TAB2: variants seen among roughly 807,000 people sequenced by gnomAD.
The protein encoded by TAB2 is TGF-beta-activated kinase 1 and MAP3K7-binding protein 2.
A neutral mutation model predicts 65.0 loss-of-function variants in TAB2; 3 were observed. That is an observed-to-expected ratio of 0.05 (90% CI 0.02 to 0.12). The LOEUF (loss-of-function observed/expected upper bound fraction) is 0.12, where lower values mean the gene tolerates loss of function less well. Among genes scored for constraint, TAB2 ranks in the 10% least tolerant of loss-of-function variants. The pLI is 1.00. For synonymous variants in TAB2, 298 were observed against 285.1 expected, an observed-to-expected ratio of 1.05 and a Z score of -0.46; for missense variants, 623 against 840.3, an observed-to-expected ratio of 0.74 and a Z score of 3.20.
intron 2 of TAB2, among the ~76,000 whole-genome samples, chr6:149,371,215 A>C (rs1320203853): frequency 6.6e-6 from 1 of 152,078 alleles, no homozygotes. Context: ...CCTTATCACC[A>C]TTATCACCTT....
rs145133469 is a variant in TAB2 at position 149,238,432 on chromosome 6, G to A, written c.-121+19656G>A. Among the ~76,000 whole-genome samples, 571 of 152,198 alleles carry A rather than the reference G, an allele frequency of 3.8e-3. 1 individual carries two copies. The highest frequency in any genetic ancestry group is 6.0e-3 in the South Asian group (29 of 4,812). The stretch of plus-strand genomic sequence containing the variant: ...AGCTTCTCTGGGGTTCCAAATCGGG[G>A]TACATCTCCACAAGGCACAGCAAAC... On this transcript the variant is annotated intron_variant, in intron 1 of 1. Coordinates refer to the TAB2 transcript ENST00000606202.
intron 1 of TAB2, among the ~76,000 whole-genome samples, chr6:149,347,908 G>A (rs977503318): frequency 1.3e-5 from 2 of 152,052 alleles, no homozygotes; most frequent in East Asian, 3.8e-4. Flanking sequence ...CTTATTTTAT[G>A]TTTAATTTTG....
intron 1 of TAB2, among the ~76,000 whole-genome samples, chr6:149,277,714 G>A (rs1778501821): frequency 6.6e-6 from 1 of 152,100 alleles, no homozygotes; most frequent in Non-Finnish European, 1.5e-5. Flanking sequence ...AGAAGTGGAA[G>A]GCCATTAACT....
intron 1 of TAB2, among the ~76,000 whole-genome samples, chr6:149,366,052 A>G (rs1020883903): frequency 1.2e-4 from 19 of 152,142 alleles, no homozygotes; most frequent in African/African-American, 4.3e-4. Context: ...TAAAATACTT[A>G]TGTGCTAATT....
chr6:149,405,760 A>G (rs1057081841), intron 6 of TAB2, among the ~76,000 whole-genome samples: 2 of 152,182 alleles, frequency 1.3e-5, no homozygotes, highest in African/African-American at 4.8e-5. Context: ...GTATGGGAAG[A>G]TTGTGGTCGA....
intron 6 of TAB2, among the ~76,000 whole-genome samples, chr6:149,403,319 CACAT>C (rs1782539163): frequency 1.1e-5 from 1 of 87,430 alleles, no homozygotes; most frequent in Non-Finnish European, 2.2e-5. Flanking sequence ...TATATACACA[CACAT>C]ATATATACAT....
At chr6:149,327,728 T>C (rs1034180614) in intron 1 of TAB2, among the ~76,000 whole-genome samples, 4 of 152,222 alleles carry the variant, frequency 2.6e-5, no homozygotes, top group Admixed American at 6.5e-5. Flanking sequence ...TGTACTTGAC[T>C]AAAGTACTGC....
At chr6:149,357,155 C>T (rs1221621045) in intron 1 of TAB2, among the ~76,000 whole-genome samples, 5 of 152,064 alleles carry the variant, frequency 3.3e-5, no homozygotes, top group Non-Finnish European at 7.4e-5. Context: ...CAGTGGCTCA[C>T]TCCTGTAATC....
chr6:149,366,696 T>C (rs1290746482), intron 1 of TAB2, among the ~76,000 whole-genome samples: 5 of 152,184 alleles, frequency 3.3e-5, no homozygotes, highest in Admixed American at 2.0e-4. Flanking sequence ...ATAGTTGTTA[T>C]TCATGAAAGA....
chr6:149,320,377 G>A (rs886148844), intron 1 of TAB2, among the ~76,000 whole-genome samples: 3 of 152,198 alleles, frequency 2.0e-5, no homozygotes, highest in Non-Finnish European at 4.4e-5. Context: ...CCGCAGTTAT[G>A]TAGGCAGATC....
chr6:149,388,911 G>T (rs1024781005), intron 3 of TAB2, among the ~76,000 whole-genome samples: 1 of 150,334 alleles, frequency 6.7e-6, no homozygotes, highest in South Asian at 2.1e-4. Flanking sequence ...TATTTAGAAA[G>T]CCTTTCCATA....
chr6:149,350,593 T>C (rs868746042), intron 1 of TAB2, among the ~76,000 whole-genome samples: 7 of 151,354 alleles, frequency 4.6e-5, no homozygotes, highest in Non-Finnish European at 1.0e-4. Flanking sequence ...CTGTTTGATA[T>C]TCGGCATGAA....
At chr6:149,385,491 G>GT (rs1583147531) in intron 3 of TAB2, among the ~76,000 whole-genome samples, 2 of 152,304 alleles carry the variant, frequency 1.3e-5, no homozygotes, top group East Asian at 3.9e-4. Flanking sequence ...GCAAGACTTT[G>GT]TCTCTAAAAT....
intron 2 of TAB2, among the ~76,000 whole-genome samples, 189 bp downstream of exon 2, chr6:149,370,288 G>A (rs1411623655): frequency 1.3e-5 from 2 of 152,184 alleles, no homozygotes; most frequent in African/African-American, 2.4e-5. Context: ...CTGTAGTATG[G>A]ATAATACTTG....
At position 149,369,831 on chromosome 6, in the gene TAB2, T is replaced by C. The variant is rs1781160451; in HGVS notation, c.-89-78T>C. 6.2e-6 allele frequency: 4 copies of C among 640,644 alleles called. No individual in the cohort carries two copies. The South Asian group carries it at 7.4e-5, about 12-fold the overall frequency. The allele number at this position is 640,644 out of a possible 1,614,324, so 39.7% of individuals were successfully genotyped here. Reference sequence around the variant, plus strand: ...TTAAGTGCTAAAGCACATATTCTTTTGTACTGAAATTTTAAATCCACAACA... The same window carrying C: ...TTAAGTGCTAAAGCACATATTCTTTCGTACTGAAATTTTAAATCCACAACA... On this transcript the variant is annotated intron_variant, in intron 1 of 6. Coordinates refer to ENST00000637181, the MANE Select transcript of TAB2 (RefSeq NM_001292034.3).
chr6:149,308,664 G>A (rs1483185606), intron 1 of TAB2, among the ~76,000 whole-genome samples: 3 of 151,968 alleles, frequency 2.0e-5, no homozygotes, highest in Non-Finnish European at 4.4e-5. Flanking sequence ...GAGTAGCTGG[G>A]ATTACAGGCA....
At chr6:149,346,199 T>C (rs530454365) in intron 1 of TAB2, among the ~76,000 whole-genome samples, 1 of 152,274 alleles carries the variant, frequency 6.6e-6, no homozygotes, top group East Asian at 1.9e-4. Context: ...CAAATATCCA[T>C]GTACACTTTG....
rs1782217354 is a variant in TAB2 at position 149,397,662 on chromosome 6, A to G, written c.1662A>G (p.Gln554=). The change falls in exon 4 of 7, where the codon CAA becomes CAG. Residue 554 remains glutamine (Q), a synonymous_variant. Transcript: ENST00000637181. ...MERLQRELEI[Q]KKKLDKLKSE... Reference sequence around the variant, plus strand: ...GACTTCAAAGAGAACTTGAGATTCAAAAGAAAAAGCTGGATAAATTAAAAT... The same window carrying G: ...GACTTCAAAGAGAACTTGAGATTCAGAAGAAAAAGCTGGATAAATTAAAAT... 2.5e-6 allele frequency: 4 copies of G among 1,614,152 alleles called. No homozygotes were observed. Among genetic ancestry groups the G allele is most frequent in the African/African-American group, 2.7e-5 (2 of 75,058 alleles).
At chr6:149,257,329 T>C (rs1397775753) in intron 1 of TAB2, 1 of 152,216 alleles carries the variant, frequency 6.6e-6, no homozygotes, top group Non-Finnish European at 1.5e-5. Context: ...ATAAAGTTCT[T>C]GGGGAAAAGT....
Sources: allele counts gnomAD v4.1 joint callset (sites outside exome capture counted in the v4.1 genomes callset), GRCh38; gene constraint gnomAD v4.1.1; transcripts MANE v1.5; gene names NCBI Gene and HGNC (gene_info 2026-07-23, HGNC 2026-07-21).